Variants in SF3A2 observed in about 807,000 individuals in gnomAD.
SF3A2 encodes the protein SAP 62.
SF3A2 carries 5 observed loss-of-function variants against 31.1 expected under a neutral mutation model. The ratio of observed to expected loss-of-function variants is 0.16; its 90% CI spans 0.08 to 0.34. The LOEUF (loss-of-function observed/expected upper bound fraction) is 0.34, where lower values mean the gene tolerates loss of function less well. SF3A2 is among the 10% of genes least tolerant of loss of function. SF3A2 has a pLI of 1.00. For missense variants in SF3A2, 577 were observed against 643.9 expected, an observed-to-expected ratio of 0.90 and a Z score of 1.13; for synonymous variants, 365 against 263.7, an observed-to-expected ratio of 1.38 and a Z score of -3.72.
rs2024955357 is a variant in SF3A2 at position 2,247,913 on chromosome 19, C to T, written c.762C>T (p.Pro254=). 3 of 1,574,596 alleles carry T rather than the reference C, an allele frequency of 1.9e-6. No homozygotes were observed. The highest frequency in any genetic ancestry group is 2.2e-5 in the South Asian group (2 of 90,300). The stretch of plus-strand genomic sequence containing the variant: ...CGCTGCCTGAGTCTTTGCCACCGCC[C>T]CCGCCAGGAGGCCTGCCTCTGCCAC... ...RPPLPESLPP[P]PPGGLPLPPM... is the part of the protein sequence containing the mutation. Residue 254 remains proline, a synonymous_variant, in exon 9 of 9, where the codon CCC becomes CCT. Coordinates refer to ENST00000221494, the MANE Select transcript of SF3A2 (RefSeq NM_007165.5).
At chr19:2,239,185 C>A (rs552766519) in intron 1 of SF3A2, among the ~76,000 whole-genome samples, 1 of 152,028 alleles carries the variant, frequency 6.6e-6, no homozygotes. Flanking sequence ...GCCAACCTGG[C>A]GAAATCCCAT....
In SF3A2 at chr19:2,248,117, C is replaced by A. The variant is rs771237563; in HGVS notation, c.966C>A (p.Val322=). Residue 322 remains valine, a synonymous_variant, in exon 9 of 9, where the codon GTC becomes GTA. Transcript: ENST00000221494. ...APGVHPPAPG[V]HPPTSGVHPP... ...GCGTCCATCCCCCAGCCCCTGGGGT[C>A]CACCCACCAACCTCTGGGGTCCACC... 14 of 1,274,206 alleles carry A rather than the reference C, an allele frequency of 1.1e-5. No homozygotes were observed. The highest frequency in any genetic ancestry group is 1.0e-4 in the South Asian group (8 of 78,098). 78.9% of individuals were successfully genotyped at this position (1,274,206 alleles called of 1,614,324 possible).
chr19:2,243,247 G>T, intron 1 of SF3A2, 135 bp from the exon 2 acceptor site: 1 of 644,868 alleles, frequency 1.6e-6, no homozygotes, highest in Non-Finnish European at 2.5e-6. Context: ...CCCCCTCAGG[G>T]CTGGTTAGAC....
At chr19:2,242,851 G>A (rs140813699) in intron 1 of SF3A2, among the ~76,000 whole-genome samples, 30 of 152,294 alleles carry the variant, frequency 2.0e-4, no homozygotes, top group African/African-American at 7.2e-4. Context: ...GTGTTACTCA[G>A]TGAGGATGCG....
At chr19:2,242,440 C>G (rs1599652005) in intron 1 of SF3A2, among the ~76,000 whole-genome samples, 1 of 152,214 alleles carries the variant, frequency 6.6e-6, no homozygotes, top group Non-Finnish European at 1.5e-5. Flanking sequence ...AGCGCAGCCT[C>G]TCTGACTCTC....
Position 2,247,972 on chromosome 19 carries a change from C to T in SF3A2, c.821C>T (p.Pro274Leu). The T allele has an allele frequency of 9.2e-7, 1 of 1,088,158 alleles. No individual in the cohort carries two copies. Among genetic ancestry groups the T allele is most frequent in the South Asian group, 1.3e-5 (1 of 77,336 alleles). The allele number at this position is 1,088,158 out of a possible 1,614,324, so 67.4% of individuals were successfully genotyped here. A position where few individuals can be genotyped will look rare whatever the true frequency, so the allele number is the denominator to read the frequency against. The change falls in exon 9 of 9, where the codon CCC (proline) becomes CTC (leucine). Residue 274 changes from proline to leucine, a missense_variant. Around this residue, in one of 6 missense-constraint regions of SF3A2, gnomAD observed 462 missense variants for 339.1 expected, o/e 1.36. Transcript: ENST00000221494. ...CCCACAGGGCCTGCGCCCTCAGGGC[C>T]CCCGGGACCACCCCAGCTACCCCCG... ...MPPTGPAPSG[P>L]PGPPQLPPPA...
Position 2,248,593 on chromosome 19 carries a change from T to C in SF3A2, c.*47T>C. The C allele has an allele frequency of 2.2e-6, 1 of 454,260 alleles. No individual in the cohort carries two copies. The highest frequency in any genetic ancestry group is 6.5e-5 in the South Asian group (1 of 15,344). 28.1% of individuals were successfully genotyped at this position (454,260 alleles called of 1,614,324 possible). Reference sequence around the variant, plus strand: ...AAGCCCAGCGCCAGGTGCTCTTGCCTTTTCCCACTGAGAGAAGGCTGCTCT... The same window carrying C: ...AAGCCCAGCGCCAGGTGCTCTTGCCCTTTCCCACTGAGAGAAGGCTGCTCT... On this transcript the variant is annotated 3_prime_UTR_variant, in exon 9 of 9. Coordinates refer to ENST00000221494, the MANE Select transcript of SF3A2 (RefSeq NM_007165.5).
At chr19:2,239,328 G>C (rs924660914) in intron 1 of SF3A2, among the ~76,000 whole-genome samples, 13 of 143,942 alleles carry the variant, frequency 9.0e-5, no homozygotes, top group African/African-American at 3.4e-4. Flanking sequence ...TCGAGCTACT[G>C]CCTGGGCGAC....
In SF3A2 at chr19:2,247,854, C is replaced by T; in HGVS notation, c.703C>T (p.Pro235Ser). 1 of 1,534,616 alleles carries T rather than the reference C, an allele frequency of 6.5e-7. No individual in the cohort carries two copies. Among genetic ancestry groups the T allele is most frequent in the Non-Finnish European group, 9.0e-7 (1 of 1,115,682 alleles). The change falls in exon 9 of 9, where the codon CCC (proline) becomes TCC (serine). Residue 235 changes from proline to serine, a missense_variant. Physicochemically the swap from Pro to Ser is moderately conservative, Grantham distance 74. Coordinates refer to ENST00000221494, the MANE Select transcript of SF3A2 (RefSeq NM_007165.5). Reference protein sequence around the residue: ...AGPPGVKRPPPPLMNGLPPRP... With the variant: ...AGPPGVKRPPSPLMNGLPPRP... ...CCCCCCTGGGGTGAAGCGGCCTCCA[C>T]CCCCGCTGATGAACGGTCTGCCCCC...
At chr19:2,243,320 A>C in intron 1 of SF3A2, 62 bp from the exon 2 acceptor site, 2 of 1,330,780 alleles carry the variant, frequency 1.5e-6, no homozygotes, top group Non-Finnish European at 1.0e-6. Context: ...CCGCCCAGGG[A>C]GGTCCCAGCA....
rs1349601096 is a variant in SF3A2, at chr19:2,248,450, TG to T, written c.1303del (p.Val435CysfsTer11). ...CTCCGGGAGTTCACCCCTCAAATCC[TG>T]GGGTGCACCCCCCAACTCCCATGCC... ...QPPGVHPSNP[G>X]VHPPTPMPPM... On this transcript the variant is annotated frameshift_variant, in exon 9 of 9. Transcript: ENST00000221494. LOFTEE classifies it high-confidence loss of function. 1.5e-6 allele frequency: 2 copies of T among 1,337,418 alleles called. No homozygotes were observed. The highest frequency in any genetic ancestry group is 9.6e-7 in the Non-Finnish European group (1 of 1,036,530). 82.8% of individuals were successfully genotyped at this position (1,337,418 alleles called of 1,614,324 possible).
At chr19:2,244,240 G>C (rs1427795655) in intron 2 of SF3A2, among the ~76,000 whole-genome samples, 1 of 150,112 alleles carries the variant, frequency 6.7e-6, no homozygotes, top group Non-Finnish European at 1.5e-5. Context: ...GACCGGCGGT[G>C]CTGTCCTGGC....
In SF3A2 at chr19:2,247,950, A is replaced by T; in HGVS notation, c.799A>T (p.Thr267Ser). 7.9e-7 allele frequency: 1 copy of T among 1,272,974 alleles called. No individual in the cohort carries two copies. The highest frequency in any genetic ancestry group is 1.3e-5 in the South Asian group (1 of 78,610). The allele number at this position is 1,272,974 out of a possible 1,614,324, so 78.9% of individuals were successfully genotyped here. A position where few individuals can be genotyped will look rare whatever the true frequency, so the allele number is the denominator to read the frequency against. Residue 267 changes from threonine (T) to serine (S), a missense_variant, in exon 9 of 9, where the codon ACA becomes TCA. Around this residue, in one of 6 missense-constraint regions of SF3A2, gnomAD observed 462 missense variants for 339.1 expected, o/e 1.36. Transcript: ENST00000221494. ...GGLPLPPMPP[T>S]GPAPSGPPGP... is the part of the protein sequence containing the mutation. ...CCTGCCTCTGCCACCCATGCCCCCCACAGGGCCTGCGCCCTCAGGGCCCCC... is the reference window on the plus strand; with the variant it reads ...CCTGCCTCTGCCACCCATGCCCCCCTCAGGGCCTGCGCCCTCAGGGCCCCC...
At position 2,245,423 on chromosome 19, in the gene SF3A2, C is replaced by G; in HGVS notation, c.246-23C>G. The G allele has an allele frequency of 6.5e-7, 1 of 1,528,084 alleles. No homozygotes were observed. The highest frequency in any genetic ancestry group is 1.2e-5 in the South Asian group (1 of 83,530). 94.7% of individuals were successfully genotyped at this position (1,528,084 alleles called of 1,614,324 possible). ...GTGCCTGTGTGTGGAGGGGTCCCAG[C>G]AGCACCTCCATCCTGTCCGCAGGGC... is the stretch of plus-strand genomic sequence containing the variant. On this transcript the variant is annotated intron_variant, in intron 4 of 8. Coordinates refer to ENST00000221494, the MANE Select transcript of SF3A2 (RefSeq NM_007165.5). The surrounding 1 kb of genome is among the most constrained non-coding windows in gnomAD (Gnocchi z 4.2).
At chr19:2,243,572 T>C (rs779506229) in intron 2 of SF3A2, 28 bp downstream of exon 2, 2 of 1,530,334 alleles carry the variant, frequency 1.3e-6, no homozygotes. Flanking sequence ...CAGCTGCCTG[T>C]GGTGGGTGCT....
chr19:2,247,729 C>T, intron 8 of SF3A2, 38 bp from the exon 9 acceptor site: 1 of 1,611,086 alleles, frequency 6.2e-7, no homozygotes. Flanking sequence ...CTGCCCTAGC[C>T]CCACCCGTGC....
Position 2,248,289 on chromosome 19 carries a change from C to T in SF3A2, c.1138C>T (p.His380Tyr), listed in dbSNP as rs1195044575. Residue 380 changes from histidine (H) to tyrosine (Y), a missense_variant, in exon 9 of 9, where the codon CAC becomes TAC. Around this residue, in one of 6 missense-constraint regions of SF3A2, gnomAD observed 462 missense variants for 339.1 expected, o/e 1.36. Transcript: ENST00000221494. ...AGVHPQAPGV[H>Y]PAAPAVHPQA... is the part of the protein sequence containing the mutation. ...GGTTCACCCCCAGGCCCCGGGGGTG[C>T]ACCCAGCAGCCCCCGCCGTTCACCC... The T allele has an allele frequency of 5.7e-6, 8 of 1,401,196 alleles. No individual in the cohort carries two copies. Among genetic ancestry groups the T allele is most frequent in the African/African-American group, 1.5e-5 (1 of 66,950 alleles). The allele number at this position is 1,401,196 out of a possible 1,614,324, so 86.8% of individuals were successfully genotyped here. A position where few individuals can be genotyped will look rare whatever the true frequency, so the allele number is the denominator to read the frequency against.
intron 7 of SF3A2, 144 bp downstream of exon 7, chr19:2,247,166 C>G (rs919759309): frequency 1.2e-6 from 1 of 840,702 alleles, no homozygotes; most frequent in South Asian, 1.7e-5. Flanking sequence ...CTGCACAGGC[C>G]GGGCAGGGCA....
Position 2,243,502 on chromosome 19 carries a change from G to A in SF3A2, c.84G>A (p.Glu28=). The A allele has an allele frequency of 6.5e-7, 1 of 1,548,402 alleles. No individual in the cohort carries two copies. Among genetic ancestry groups the A allele is most frequent in the Non-Finnish European group, 8.7e-7 (1 of 1,155,950 alleles). ...CCGAGAGCAACCGTGACCGCAGGGAGCGCCTCCGGCAGCTGGCCCTGGAGA... is the reference window on the plus strand; with the variant it reads ...CCGAGAGCAACCGTGACCGCAGGGAACGCCTCCGGCAGCTGGCCCTGGAGA... ...SSSESNRDRR[E]RLRQLALETI... The change falls in exon 2 of 9, where the codon GAG becomes GAA. Residue 28 remains glutamate, a synonymous_variant. Transcript: ENST00000221494.
Sources: allele counts gnomAD v4.1 joint callset (sites outside exome capture counted in the v4.1 genomes callset), GRCh38; gene constraint gnomAD v4.1.1; regional missense constraint gnomAD v4.1.1; non-coding constraint Gnocchi (gnomAD v3.1); transcripts MANE v1.5; gene names NCBI Gene and HGNC (gene_info 2026-07-23, HGNC 2026-07-21).